The following ENTREP1 variants were observed in gnomAD, a reference collection of about 807,000 sequenced individuals.
ENTREP1 encodes endosomal transmembrane epsin interactor 1, also known as Friedreich ataxia region gene X123.
chr9:69,329,254 C>T, the ENTREP1 span: 5 of 482,726 alleles, frequency 1.0e-5, no homozygotes, highest in Non-Finnish European at 1.3e-5. Flanking sequence ...TGAACCCACA[C>T]ATCTTCTTTA....
chr9:69,361,954 G>A, the ENTREP1 span, among the ~76,000 whole-genome samples: 16 of 152,126 alleles, frequency 1.1e-4, no homozygotes, highest in South Asian at 3.1e-3. Flanking sequence ...GGATTTCTGC[G>A]TTAAAAATAT....
At chr9:69,368,903 T>C in the ENTREP1 span, among the ~76,000 whole-genome samples, 20 of 152,124 alleles carry the variant, frequency 1.3e-4, no homozygotes, top group Admixed American at 6.5e-5. Context: ...GTTACATAGG[T>C]ATACACATGC....
At chr9:69,327,619 C>CAAAAGAAAAG in the ENTREP1 span, among the ~76,000 whole-genome samples, 26 of 67,078 alleles carry the variant, frequency 3.9e-4, no homozygotes, top group South Asian at 6.7e-4. Flanking sequence ...GATGAAGTAC[C>CAAAAGAAAAG]AAAAGAAAAG....
At chr9:69,357,141 A>G in the ENTREP1 span, among the ~76,000 whole-genome samples, 1 of 151,934 alleles carries the variant, frequency 6.6e-6, no homozygotes, top group Admixed American at 6.6e-5. Flanking sequence ...TTCCTGAGAA[A>G]TGAGAGACAA....
the ENTREP1 span, chr9:69,382,488 C>T: frequency 1.3e-5 from 2 of 152,206 alleles, no homozygotes; most frequent in African/African-American, 4.8e-5. Flanking sequence ...CAGGCATTAG[C>T]TCATCACCTT....
chr9:69,384,142 G>T, the ENTREP1 span: 23 of 677,802 alleles, frequency 3.4e-5, no homozygotes, highest in African/African-American at 5.4e-5. Flanking sequence ...AGGATCACAT[G>T]AGGCCAGGAG....
At chr9:69,344,397 A>C in the ENTREP1 span, among the ~76,000 whole-genome samples, 2 of 152,232 alleles carry the variant, frequency 1.3e-5, no homozygotes, top group African/African-American at 4.8e-5. Flanking sequence ...TGAAATGGGA[A>C]TGGGAAGGAG....
At chr9:69,340,462 A>C in the ENTREP1 span, among the ~76,000 whole-genome samples, 8 of 152,296 alleles carry the variant, frequency 5.3e-5, no homozygotes, top group East Asian at 1.3e-3. Context: ...GAAAGCCTTC[A>C]TTTACTGGGT....
chr9:69,385,763 C>CTT, the ENTREP1 span: 778 of 1,241,050 alleles, frequency 6.3e-4, no homozygotes, highest in Middle Eastern at 2.8e-3. Flanking sequence ...TGTTTCGCCT[C>CTT]TTTTTTTTTT....
At chr9:69,337,931 A>T in the ENTREP1 span, among the ~76,000 whole-genome samples, 537 of 152,340 alleles carry the variant, frequency 3.5e-3, 10 homozygotes, top group Admixed American at 0.024. Flanking sequence ...ACGGGCAATC[A>T]ATACAAAACT....
At chr9:69,375,883 C>T in the ENTREP1 span, 744 of 1,609,176 alleles carry the variant, frequency 4.6e-4, 3 homozygotes, top group East Asian at 0.014. Context: ...AACAGATTCC[C>T]ACCCGCACGG....
chr9:69,354,243 C>G, the ENTREP1 span, among the ~76,000 whole-genome samples: 1 of 141,742 alleles, frequency 7.1e-6, no homozygotes, highest in Non-Finnish European at 1.5e-5. Flanking sequence ...TCTTGTTTGC[C>G]CTATTGCAAC....
chr9:69,340,731 GTGTA>G, the ENTREP1 span, among the ~76,000 whole-genome samples: 25 of 135,072 alleles, frequency 1.9e-4, no homozygotes, highest in South Asian at 8.1e-4. Flanking sequence ...GCATGTGTGT[GTGTA>G]TGTGTGTGTG....
At chr9:69,367,850 A>AAT in the ENTREP1 span, among the ~76,000 whole-genome samples, 2 of 113,778 alleles carry the variant, frequency 1.8e-5, no homozygotes, top group Admixed American at 9.5e-5. Flanking sequence ...TATATATATA[A>AAT]ATATATACAC....
chr9:69,374,250 T>C, the ENTREP1 span, among the ~76,000 whole-genome samples: 66,531 of 151,678 alleles, frequency 0.44, 15,298 homozygotes, highest in African/African-American at 0.59. Flanking sequence ...ATTTTTTTGT[T>C]TTTTTGTTCT....
the ENTREP1 span, among the ~76,000 whole-genome samples, chr9:69,346,253 G>A: frequency 6.6e-6 from 1 of 152,042 alleles, no homozygotes; most frequent in Non-Finnish European, 1.5e-5. Context: ...TAAGTGCTGG[G>A]ATTACAGGCG....
At chr9:69,324,943 A>G in the ENTREP1 span, 3 of 984,590 alleles carry the variant, frequency 3.0e-6, no homozygotes, top group Non-Finnish European at 3.6e-6. Flanking sequence ...GGACTTACTT[A>G]AATATTTGGG....
the ENTREP1 span, among the ~76,000 whole-genome samples, chr9:69,356,809 T>C: frequency 6.6e-6 from 1 of 152,218 alleles, no homozygotes; most frequent in Non-Finnish European, 1.5e-5. Context: ...TGACTGTTTC[T>C]CTTGTGACTC....
chr9:69,388,970 A>G, the ENTREP1 span, among the ~76,000 whole-genome samples: 38 of 152,342 alleles, frequency 2.5e-4, no homozygotes, highest in African/African-American at 7.9e-4. Flanking sequence ...GTACAAGGCA[A>G]TCCCCGAAAC....
Sources: allele counts gnomAD v4.1 joint callset (sites outside exome capture counted in the v4.1 genomes callset), GRCh38; gene constraint gnomAD v4.1.1; transcripts MANE v1.5; gene names NCBI Gene and HGNC (gene_info 2026-07-23, HGNC 2026-07-21).